Variants in PHF10 observed in about 807,000 individuals in gnomAD.
The protein encoded by PHF10 is PHD finger protein 10.
A neutral mutation model predicts 68.5 loss-of-function variants in PHF10; 51 were observed. The observed-to-expected ratio is 0.74, with a 90% confidence interval of 0.59 to 0.94. The LOEUF is 0.94. Among genes scored for constraint, PHF10 ranks in the 40% least tolerant of loss-of-function variants. The pLI, the probability that PHF10 is intolerant of heterozygous loss-of-function variation, is 0.00. For synonymous variants in PHF10, 204 were observed against 203.5 expected, an observed-to-expected ratio of 1.00 and a Z score of -0.02; for missense variants, 460 against 602.6, an observed-to-expected ratio of 0.76 and a Z score of 2.48.
intron 1 of PHF10, among the ~76,000 whole-genome samples, chr6:169,722,470 G>C (rs746222984): frequency 9.2e-5 from 14 of 151,910 alleles, no homozygotes; most frequent in Non-Finnish European, 1.9e-4. Context: ...TTTTCCTTTA[G>C]CTAAAAAGTT....
chr6:169,717,204 G>C (rs767854983), intron 4 of PHF10, among the ~76,000 whole-genome samples: 1 of 152,062 alleles, frequency 6.6e-6, no homozygotes, highest in South Asian at 2.1e-4. Flanking sequence ...AGCTAAGATC[G>C]CGCCACTGCA....
In PHF10 at chr6:169,723,826, G is replaced by T; in HGVS notation, c.87+19C>A. On this transcript the variant is annotated intron_variant, in intron 1 of 11. Coordinates refer to ENST00000339209, the MANE Select transcript of PHF10 (RefSeq NM_018288.4). ...CCCGGGACGGGGTCAGGGTCGGGTCGCACCGGCCGCTTCCTCACCTTCGGG... is the reference window on the plus strand; with the variant it reads ...CCCGGGACGGGGTCAGGGTCGGGTCTCACCGGCCGCTTCCTCACCTTCGGG... 1 of 945,694 alleles carries T rather than the reference G, an allele frequency of 1.1e-6. No homozygotes were observed. The highest frequency in any genetic ancestry group is 1.3e-6 in the Non-Finnish European group (1 of 755,702). The allele number at this position is 945,694 out of a possible 1,614,324, so 58.6% of individuals were successfully genotyped here. A position where few individuals can be genotyped will look rare whatever the true frequency, so the allele number is the denominator to read the frequency against.
At chr6:169,704,160 C>T (rs1192850270) in intron 11 of PHF10, 72 bp from the exon 12 acceptor site, 1 of 1,130,610 alleles carries the variant, frequency 8.8e-7, no homozygotes, top group Non-Finnish European at 1.2e-6. Flanking sequence ...CATCTAAACT[C>T]TTCTGCCTTA....
intron 9 of PHF10, chr6:169,709,398 AGGT>A (rs754832255): frequency 7.9e-5 from 12 of 152,298 alleles, no homozygotes; most frequent in Admixed American, 2.0e-4. Flanking sequence ...AAGAATCAAA[AGGT>A]AGTCTATTTT....
At chr6:169,712,672 T>C in intron 7 of PHF10, 133 bp from the exon 8 acceptor site, 1 of 616,734 alleles carries the variant, frequency 1.6e-6, no homozygotes, top group South Asian at 2.9e-5. Context: ...TACTAATTTT[T>C]CATTTTTGTC....
At position 169,724,430 on chromosome 6, in the gene PHF10, C is replaced by T. The variant is rs1789277524; in HGVS notation, c.-499G>A. Among the ~76,000 whole-genome samples, 1 of 144,582 alleles carries T rather than the reference C, an allele frequency of 6.9e-6. No individual in the cohort carries two copies. Among genetic ancestry groups the T allele is most frequent in the Non-Finnish European group, 1.5e-5 (1 of 65,222 alleles). The allele number at this position is 144,582 out of a possible 152,430, so 94.9% of individuals were successfully genotyped here. On this transcript the variant is annotated 5_prime_UTR_variant, in exon 1 of 12. Transcript: ENST00000339209. ...AGCCCCGCCGCTCGCCTCAGCCCCG[C>T]CGCTCCCCTCAGCCCCGCGGCCGCC...
chr6:169,717,703 A>G lies in PHF10; in HGVS notation c.409+120T>C. ...TCAAAAATGAAGTAAATAATGTAGC[A>G]TTTAAATAGTTCAATTTATTTTATT... On this transcript the variant is annotated intron_variant, in intron 4 of 11. Coordinates refer to ENST00000339209, the MANE Select transcript of PHF10 (RefSeq NM_018288.4). The G allele has an allele frequency of 5.0e-6, 3 of 594,740 alleles. No individual in the cohort carries two copies. In the South Asian group the frequency reaches 6.7e-5, roughly 13 times the overall value. 36.8% of individuals were successfully genotyped at this position (594,740 alleles called of 1,614,324 possible).
At chr6:169,713,255 A>G (rs1438426781) in intron 7 of PHF10, among the ~76,000 whole-genome samples, 1 of 152,208 alleles carries the variant, frequency 6.6e-6, no homozygotes, top group Non-Finnish European at 1.5e-5. Context: ...AAAGGGGTTA[A>G]TATACTTGCA....
At chr6:169,707,103 A>G (rs1237395908) in intron 9 of PHF10, 1 of 152,230 alleles carries the variant, frequency 6.6e-6, no homozygotes, top group Non-Finnish European at 1.5e-5. Flanking sequence ...CAAGAACTCT[A>G]AACAATCACA....
intron 7 of PHF10, among the ~76,000 whole-genome samples, chr6:169,713,578 G>A (rs1469736383): frequency 2.8e-5 from 4 of 143,776 alleles, no homozygotes; most frequent in African/African-American, 5.2e-5. Context: ...CAGCCTGGGC[G>A]ACAGCGTGAG....
intron 1 of PHF10, among the ~76,000 whole-genome samples, chr6:169,722,250 A>G (rs1405649447): frequency 3.9e-5 from 6 of 152,224 alleles, no homozygotes. Flanking sequence ...TAAAATATAT[A>G]TTCTTTTTCA....
chr6:169,709,428 A>G (rs906329202), intron 9 of PHF10: 4 of 152,202 alleles, frequency 2.6e-5, no homozygotes, highest in Non-Finnish European at 5.9e-5. Context: ...ACCATCCCAA[A>G]TATGAAACTG....
In PHF10 at chr6:169,718,872, G is replaced by T. The variant is rs751487344; in HGVS notation, c.241C>A (p.Pro81Thr). The T allele has an allele frequency of 1.9e-6, 3 of 1,598,756 alleles. No individual in the cohort carries two copies. Among genetic ancestry groups the T allele is most frequent in the Non-Finnish European group, 1.7e-6 (2 of 1,167,164 alleles). Reference sequence around the variant, plus strand: ...ATATAGTATTCTCCTGTTTCATCAGGTGGCCATTTGTACTCTATCAAGTTT... The same window carrying T: ...ATATAGTATTCTCCTGTTTCATCAGTTGGCCATTTGTACTCTATCAAGTTT... The part of the protein sequence containing the change: ...AENLIEYKWP[P>T]DETGEYYMLQ... Residue 81 changes from proline (P) to threonine (T), a missense_variant, in exon 3 of 12, where the codon CCT becomes ACT. By Grantham distance (38) the Pro-to-Thr change is conservative (BLOSUM62 -1). Transcript: ENST00000339209.
chr6:169,715,836 G>A lies in PHF10; in HGVS notation c.565C>T (p.Gln189Ter), dbSNP rs151064070. Residue 189 changes from glutamine to a stop codon, truncating the protein, a stop_gained, in exon 6 of 12, where the codon CAG becomes TAG. Transcript: ENST00000339209. LOFTEE classifies it high-confidence loss of function. The stretch of plus-strand genomic sequence containing the variant: ...GGCACTTTACTGGCTTCAACTTTCT[G>A]AGTATTCTGTTGTTGCATTTGCTGG... Reference protein sequence around the residue: ...EYSQMQQQNTQKVEASKVPEY... With the variant: ...EYSQMQQQNT 6.2e-7 allele frequency: 1 copy of A among 1,612,478 alleles called. No individual in the cohort carries two copies.
At chr6:169,709,406 T>TA (rs1788878759) in intron 9 of PHF10, 1 of 152,204 alleles carries the variant, frequency 6.6e-6, no homozygotes, top group Non-Finnish European at 1.5e-5. Flanking sequence ...AAAGGTAGTC[T>TA]ATTTTACTAC....
At chr6:169,718,528 C>T (rs993376313) in intron 3 of PHF10, among the ~76,000 whole-genome samples, 4 of 152,036 alleles carry the variant, frequency 2.6e-5, no homozygotes, top group Admixed American at 6.6e-5. Flanking sequence ...AAATCTGCCA[C>T]GCGTCGTGGT....
intron 9 of PHF10, among the ~76,000 whole-genome samples, chr6:169,706,304 TTAG>T (rs1266842428): frequency 6.7e-6 from 1 of 148,256 alleles, no homozygotes; most frequent in Admixed American, 6.7e-5. Context: ...TGTGGAAAAC[TTAG>T]TTGTGTGATT....
At position 169,723,858 on chromosome 6, in the gene PHF10, G is replaced by T; in HGVS notation, c.74C>A (p.Ala25Glu). ...CCGCTTCCTCACCTTCGGGGACTGC[G>T]CTCCGGGGGTGGCTGGGTCGCTGTC... ...PCDSDPATPG[A>E]QSPKDDNEDN... The change falls in exon 1 of 12, where the codon GCG (alanine) becomes GAG (glutamate). Residue 25 changes from alanine to glutamate, a missense_variant. By Grantham distance (107) the Ala-to-Glu change is moderately radical. This residue lies in a region of PHF10 where 93 missense variants were observed against 82.4 expected (regional missense o/e 1.13). Coordinates refer to ENST00000339209, the MANE Select transcript of PHF10 (RefSeq NM_018288.4). 1 of 1,089,312 alleles carries T rather than the reference G, an allele frequency of 9.2e-7. No individual in the cohort carries two copies. The highest frequency in any genetic ancestry group is 1.1e-6 in the Non-Finnish European group (1 of 888,144). The allele number at this position is 1,089,312 out of a possible 1,614,324, so 67.5% of individuals were successfully genotyped here.
chr6:169,711,287 CATT>C (rs777153823), intron 8 of PHF10, among the ~76,000 whole-genome samples: 2 of 152,098 alleles, frequency 1.3e-5, no homozygotes, highest in Non-Finnish European at 2.9e-5. Flanking sequence ...TTCTCACAAT[CATT>C]AAATATTCTT....
Sources: gnomAD v4.1 joint callset for allele counts (sites outside exome capture counted in the v4.1 genomes callset) on GRCh38, gnomAD v4.1.1 for gene constraint, gnomAD v4.1.1 regional missense constraint, MANE v1.5 for transcripts, NCBI Gene and HGNC (gene_info 2026-07-23, HGNC 2026-07-21) for gene names.